Variants in FLT3LG observed in about 807,000 individuals in gnomAD.
The protein encoded by FLT3LG is fms related receptor tyrosine kinase 3 ligand.
FLT3LG carries 8 observed loss-of-function variants against 30.9 expected under a neutral mutation model. That is an observed-to-expected ratio of 0.26 (90% CI 0.15 to 0.47). The LOEUF (loss-of-function observed/expected upper bound fraction) is 0.47, where lower values mean the gene tolerates loss of function less well. FLT3LG is among the 20% of genes least tolerant of loss of function. The pLI is 0.99. For missense variants in FLT3LG, 278 were observed against 306.2 expected (o/e 0.91, Z 0.69); for synonymous variants, 123 against 135.9 (o/e 0.91, Z 0.66).
intron 8 of FLT3LG, among the ~76,000 whole-genome samples, chr19:49,485,354 A>G (rs946469550): frequency 6.7e-6 from 1 of 149,386 alleles, no homozygotes; most frequent in African/African-American, 2.5e-5. Context: ...GGTTCAAGCG[A>G]TTCTCCTGCC....
chr19:49,475,322 C>T (rs1300860597), intron 2 of FLT3LG, among the ~76,000 whole-genome samples: 6 of 151,250 alleles, frequency 4.0e-5, no homozygotes, highest in African/African-American at 7.3e-5. Flanking sequence ...AGGACGTGGA[C>T]CAAGATCAAG....
intron 5 of FLT3LG, among the ~76,000 whole-genome samples, chr19:49,478,188 G>C (rs990210318): frequency 1.6e-5 from 2 of 121,498 alleles, no homozygotes; most frequent in African/African-American, 7.8e-5. Context: ...AAATAAATAG[G>C]CTGGGCACGG....
intron 8 of FLT3LG, among the ~76,000 whole-genome samples, chr19:49,483,379 G>A (rs995400780): frequency 2.0e-5 from 3 of 151,886 alleles, no homozygotes; most frequent in Non-Finnish European, 4.4e-5. Flanking sequence ...GCCTCCCAAA[G>A]TGCTGGATTA....
At chr19:49,477,394 T>G (rs932030470) in intron 5 of FLT3LG, among the ~76,000 whole-genome samples, 2 of 149,380 alleles carry the variant, frequency 1.3e-5, no homozygotes, top group African/African-American at 5.0e-5. Flanking sequence ...CGATGAGCTA[T>G]GATTGGGCCA....
At chr19:49,479,493 C>A (rs1250451343) in intron 6 of FLT3LG, among the ~76,000 whole-genome samples, 2 of 141,850 alleles carry the variant, frequency 1.4e-5, no homozygotes, top group Non-Finnish European at 3.0e-5. Flanking sequence ...CAGTGCCCAG[C>A]CTACCTTTTT....
intron 8 of FLT3LG, among the ~76,000 whole-genome samples, chr19:49,485,248 C>CTTTTTT (rs55877586): frequency 8.2e-6 from 1 of 121,848 alleles, no homozygotes; most frequent in Non-Finnish European, 1.6e-5. Context: ...TCTTTTTTTT[C>CTTTTTT]TTTTTTTTTT....
At chr19:49,484,566 G>A (rs543174735) in intron 8 of FLT3LG, among the ~76,000 whole-genome samples, 17 of 151,942 alleles carry the variant, frequency 1.1e-4, no homozygotes, top group African/African-American at 3.9e-4. Flanking sequence ...GCACGATCTC[G>A]GCTCACTGCA....
intron 5 of FLT3LG, among the ~76,000 whole-genome samples, chr19:49,478,546 G>A (rs911002077): frequency 6.6e-6 from 1 of 152,002 alleles, no homozygotes; most frequent in African/African-American, 2.4e-5. Context: ...GCCAAGGTGG[G>A]CAGATCACCT....
chr19:49,477,512 G>C (rs906835877), intron 5 of FLT3LG, among the ~76,000 whole-genome samples: 1 of 151,868 alleles, frequency 6.6e-6, no homozygotes, highest in African/African-American at 2.4e-5. Context: ...GCTGAGGCGG[G>C]TGGATTGCCT....
intron 6 of FLT3LG, 147 bp downstream of exon 6, chr19:49,479,194 ATTTTTT>A: frequency 2.1e-6 from 1 of 475,258 alleles, no homozygotes; most frequent in Non-Finnish European, 3.3e-6. Context: ...CAGTTTACCA[ATTTTTT>A]TTTTTTTTTT....
chr19:49,478,685 A>G (rs2094453622), intron 5 of FLT3LG, among the ~76,000 whole-genome samples: 1 of 152,024 alleles, frequency 6.6e-6, no homozygotes, highest in African/African-American at 2.4e-5. Context: ...AGGCAGGAGA[A>G]TCACTTGAAC....
intron 8 of FLT3LG, among the ~76,000 whole-genome samples, chr19:49,484,856 T>C (rs2079748748): frequency 6.6e-6 from 1 of 152,074 alleles, no homozygotes; most frequent in Admixed American, 6.6e-5. Flanking sequence ...TGTAACTCCT[T>C]GGCAGATCGC....
chr19:49,479,810 GT>G (rs930028733), intron 6 of FLT3LG: 7 of 115,640 alleles, frequency 6.1e-5, no homozygotes, highest in South Asian at 4.7e-4. Context: ...CCAGCCTATT[GT>G]TTTTTTTTTC....
chr19:49,479,100 CCTCCTCT>C, intron 6 of FLT3LG, 53 bp downstream of exon 6: 2 of 1,547,504 alleles, frequency 1.3e-6, no homozygotes, highest in Non-Finnish European at 1.8e-6. Context: ...CACGGCCGCT[CCTCCTCT>C]CTGCACAGTG....
chr19:49,478,047 A>C (rs1339404044), intron 5 of FLT3LG, among the ~76,000 whole-genome samples: 3 of 149,998 alleles, frequency 2.0e-5, no homozygotes, highest in East Asian at 4.0e-4. Flanking sequence ...TGTCCCCAAA[A>C]AATAAATAAA....
chr19:49,479,211 T>C (rs1483049437), intron 6 of FLT3LG, among the ~76,000 whole-genome samples, 164 bp downstream of exon 6: 1 of 151,482 alleles, frequency 6.6e-6, no homozygotes, highest in Non-Finnish European at 1.5e-5. Flanking sequence ...TTTTTTTTTT[T>C]TGAGACGGAG....
chr19:49,484,121 G>C (rs1324828073), intron 8 of FLT3LG, among the ~76,000 whole-genome samples: 7 of 150,232 alleles, frequency 4.7e-5, no homozygotes, highest in Non-Finnish European at 1.0e-4. Flanking sequence ...TTGACCTCGT[G>C]ATCTGCCCGC....
chr19:49,480,847 C>G lies in FLT3LG; in HGVS notation c.*21+227C>G, dbSNP rs140652450. On this transcript the variant is annotated intron_variant, in intron 8 of 8. Transcript: ENST00000597551. Reference sequence around the variant, plus strand: ...AGGAGTTCAAGACCAGCCTGGCCAACATGGCAAACCCCAGTCTCTACTAAA... The same window carrying G: ...AGGAGTTCAAGACCAGCCTGGCCAAGATGGCAAACCCCAGTCTCTACTAAA... 1,349 of 542,950 alleles carry G rather than the reference C, an allele frequency of 2.5e-3. 17 individuals carry two copies. The highest frequency in any genetic ancestry group is 0.023 in the African/African-American group (1,211 of 52,690). The allele number at this position is 542,950 out of a possible 1,614,324, so 33.6% of individuals were successfully genotyped here.
In FLT3LG at chr19:49,479,067, C is replaced by T. The variant is rs1286247152; in HGVS notation, c.481+20C>T. 5 of 1,595,436 alleles carry T rather than the reference C, an allele frequency of 3.1e-6. No homozygotes were observed. The highest frequency in any genetic ancestry group is 3.4e-5 in the Admixed American group (2 of 58,660). Reference sequence around the variant, plus strand: ...AGCCCGGTAAAGGCTTCCAGGCACCCCCACTCCTTCCCCTCCTGTCCTCAC... The same window carrying T: ...AGCCCGGTAAAGGCTTCCAGGCACCTCCACTCCTTCCCCTCCTGTCCTCAC... On this transcript the variant is annotated intron_variant, in intron 6 of 8. Transcript: ENST00000597551.
Sources: gnomAD v4.1 joint callset for allele counts (sites outside exome capture counted in the v4.1 genomes callset) on GRCh38, gnomAD v4.1.1 for gene constraint, MANE v1.5 for transcripts, NCBI Gene and HGNC (gene_info 2026-07-23, HGNC 2026-07-21) for gene names.